PARL: variants seen among roughly 807,000 people sequenced by gnomAD.
PARL encodes presenilin-associated rhomboid-like protein, mitochondrial.
In PARL, 44 loss-of-function variants were observed where a neutral mutation model predicts 51.6. That is an observed-to-expected ratio of 0.85 (90% CI 0.67 to 1.10). The LOEUF (loss-of-function observed/expected upper bound fraction) is 1.10, where lower values mean the gene tolerates loss of function less well. Among genes scored for constraint, PARL ranks in the 50% least tolerant of loss-of-function variants. PARL has a pLI of 0.00. For missense variants in PARL, 441 were observed against 469.5 expected, an observed-to-expected ratio of 0.94 and a Z score of 0.56; for synonymous variants, 172 against 164.0, an observed-to-expected ratio of 1.05 and a Z score of -0.37.
At chr3:183,876,427 G>T (rs1733814434) in intron 1 of PARL, among the ~76,000 whole-genome samples, 1 of 151,934 alleles carries the variant, frequency 6.6e-6, no homozygotes, top group African/African-American at 2.4e-5. Context: ...ACTGTTCATC[G>T]ACAATGTATC....
At chr3:183,835,097 G>A (rs1246933977) in intron 7 of PARL, among the ~76,000 whole-genome samples, 1 of 150,728 alleles carries the variant, frequency 6.6e-6, no homozygotes, top group Non-Finnish European at 1.5e-5. Flanking sequence ...AGACTTTATG[G>A]GAGTCCTCTG....
At position 183,878,051 on chromosome 3, in the gene PARL, A is replaced by G. The variant is rs1734044121; in HGVS notation, c.125+6671T>C. On this transcript the variant is annotated intron_variant, in intron 1 of 9. Transcript: ENST00000317096. ...AGTGATCCACCCGCCTTGGTCTCCC[A>G]AAGTGCTGGGATTACAGGCGTGAGC... 2.0e-5 allele frequency among the ~76,000 whole-genome samples: 3 copies of G among 152,282 alleles called. No individual in the cohort carries two copies. The South Asian group carries it at 6.2e-4, about 32-fold the overall frequency.
chr3:183,844,072 G>A (rs1729663559), intron 5 of PARL, among the ~76,000 whole-genome samples, 159 bp downstream of exon 5: 1 of 152,056 alleles, frequency 6.6e-6, no homozygotes, highest in Non-Finnish European at 1.5e-5. Flanking sequence ...AGAGAGGTGA[G>A]GTCCCTGTCC....
Position 183,884,766 on chromosome 3 carries a change from C to T in PARL, c.81G>A (p.Glu27=). The change falls in exon 1 of 10, where the codon GAG becomes GAA. Residue 27 remains glutamate, a synonymous_variant. Coordinates refer to ENST00000317096, the MANE Select transcript of PARL (RefSeq NM_018622.7). ...GCGGGGTTAGGACCGCAGTGAGCTC[C>T]TCGCAGCTGCGGCCGCCCACCGACG... The part of the protein sequence containing the change: ...WGASVGGRSC[E]ELTAVLTPPQ... The T allele has an allele frequency of 1.3e-6, 2 of 1,582,578 alleles. No homozygotes were observed. The highest frequency in any genetic ancestry group is 1.7e-6 in the Non-Finnish European group (2 of 1,169,142).
At chr3:183,847,988 G>A (rs992100042) in intron 4 of PARL, among the ~76,000 whole-genome samples, 1 of 152,202 alleles carries the variant, frequency 6.6e-6, no homozygotes, top group Non-Finnish European at 1.5e-5. Context: ...ACTGATTCAG[G>A]AAGGCACTGC....
chr3:183,827,631 C>T (rs1043060185), downstream of PARL, among the ~76,000 whole-genome samples: 31 of 152,064 alleles, frequency 2.0e-4, 2 homozygotes, highest in Admixed American at 1.8e-3. Context: ...GGCTGAGGGG[C>T]TGAATTCTAG....
Sources: allele counts gnomAD v4.1 joint callset (sites outside exome capture counted in the v4.1 genomes callset), GRCh38; gene constraint gnomAD v4.1.1; transcripts MANE v1.5; gene names NCBI Gene and HGNC (gene_info 2026-07-23, HGNC 2026-07-21).